CALD1: variants seen among roughly 807,000 people sequenced by gnomAD.
CALD1 encodes the protein caldesmon.
CALD1 carries 33 observed loss-of-function variants against 99.9 expected under a neutral mutation model. The ratio of observed to expected loss-of-function variants is 0.33; its 90% CI spans 0.25 to 0.44. The LOEUF is 0.44. Ranked by LOEUF, CALD1 falls within the 20% of genes least tolerant of loss-of-function variation. CALD1 has a pLI of 1.00. For synonymous variants in CALD1, 310 were observed against 325.0 expected (o/e 0.95, Z 0.50); for missense variants, 861 against 962.1 (o/e 0.89, Z 1.39).
the CALD1 span, among the ~76,000 whole-genome samples, chr7:134,738,851 G>T: frequency 6.6e-6 from 1 of 152,128 alleles, no homozygotes; most frequent in Non-Finnish European, 1.5e-5. Flanking sequence ...AGAGAATAGC[G>T]CAACAGTTCA....
intron 3 of CALD1, among the ~76,000 whole-genome samples, chr7:134,915,929 G>A (rs1350216331): frequency 6.6e-6 from 1 of 152,174 alleles, no homozygotes; most frequent in Admixed American, 6.5e-5. Context: ...GATCTATCAA[G>A]AGCAGAGAAG....
chr7:134,959,886 A>G, intron 11 of CALD1, 88 bp from the exon 12 acceptor site: 2 of 1,385,074 alleles, frequency 1.4e-6, no homozygotes, highest in South Asian at 2.8e-5. Context: ...AATTTTTAAG[A>G]TGATAATGTT....
At chr7:134,738,734 G>A in the CALD1 span, among the ~76,000 whole-genome samples, 1 of 152,162 alleles carries the variant, frequency 6.6e-6, no homozygotes, top group South Asian at 2.1e-4. Flanking sequence ...ACTCTGTTAT[G>A]TCTCTTTTAA....
intron 3 of CALD1, among the ~76,000 whole-genome samples, chr7:134,898,598 G>A (rs910128338): frequency 7.3e-5 from 11 of 151,516 alleles, no homozygotes; most frequent in African/African-American, 2.7e-4. Flanking sequence ...TTTTGAGATG[G>A]AGCCTCACTC....
chr7:134,843,038 C>T (rs956273571), intron 1 of CALD1, among the ~76,000 whole-genome samples: 5 of 152,218 alleles, frequency 3.3e-5, no homozygotes, highest in Admixed American at 3.3e-4. Flanking sequence ...CCACTGGCTG[C>T]AATGGGGACT....
chr7:134,959,919 T>C, intron 11 of CALD1, 55 bp from the exon 12 acceptor site: 1 of 1,578,976 alleles, frequency 6.3e-7, no homozygotes, highest in East Asian at 2.2e-5. Flanking sequence ...CTCACTATAA[T>C]TTTATGAGAA....
chr7:134,854,881 G>A (rs1222305699), intron 2 of CALD1, among the ~76,000 whole-genome samples: 1 of 152,180 alleles, frequency 6.6e-6, no homozygotes, highest in Non-Finnish European at 1.5e-5. Flanking sequence ...GGGCCTGGTG[G>A]GAGGTGATTG....
At chr7:134,827,172 G>A (rs1799031544) in intron 1 of CALD1, among the ~76,000 whole-genome samples, 1 of 152,176 alleles carries the variant, frequency 6.6e-6, no homozygotes, top group Non-Finnish European at 1.5e-5. Flanking sequence ...CTGGGCTTAT[G>A]CCCTTAGTAA....
rs1414373870 is a variant in CALD1 at position 134,958,214 on chromosome 7, G to T, written c.1985G>T (p.Gly662Val). ...GTATGTGTTTACTTTTTTAGCAGTG[G>T]TGTCAAATCGACCCATCAAGCAGCA... ...FLNKSVQKSS[G>V]VKSTHQAAIV... is the part of the protein sequence containing the mutation. Residue 662 changes from glycine (G) to valine (V), a missense_variant, in exon 11 of 15, where the codon GGT becomes GTT. Gly to Val is a moderately radical substitution (Grantham distance 109, BLOSUM62 -3). Transcript: ENST00000361675. 6.2e-7 allele frequency: 1 copy of T among 1,613,814 alleles called. No homozygotes were observed. Among genetic ancestry groups the T allele is most frequent in the Admixed American group, 1.7e-5 (1 of 59,982 alleles).
rs1220959470 is a variant in CALD1 at position 134,968,574 on chromosome 7, C to T, written c.*229C>T. On this transcript the variant is annotated 3_prime_UTR_variant, in exon 15 of 15. Coordinates refer to ENST00000361675, the MANE Select transcript of CALD1 (RefSeq NM_033138.4). ...CACAGGAGCCTGTTTCTAAAGAAAC[C>T]CATGCTGTGAAATAGAGACTTTTCT... The T allele has an allele frequency of 1.4e-6, 1 of 695,936 alleles. No individual in the cohort carries two copies. The highest frequency in any genetic ancestry group is 1.5e-5 in the South Asian group (1 of 66,694). The allele number at this position is 695,936 out of a possible 1,614,324, so 43.1% of individuals were successfully genotyped here.
At chr7:134,881,619 AGTTGCAG>A (rs1801608936) in intron 3 of CALD1, among the ~76,000 whole-genome samples, 1 of 152,212 alleles carries the variant, frequency 6.6e-6, no homozygotes, top group Non-Finnish European at 1.5e-5. Flanking sequence ...CTATATGTAG[AGTTGCAG>A]GTTTCATGCT....
chr7:134,744,516 GATTA>G (rs1796618150), intron 1 of CALD1, among the ~76,000 whole-genome samples: 2 of 151,134 alleles, frequency 1.3e-5, no homozygotes, highest in African/African-American at 4.9e-5. Context: ...GAGAGAGCAA[GATTA>G]ATTTAATAAT....
At chr7:134,892,891 C>T (rs1247914051) in intron 3 of CALD1, among the ~76,000 whole-genome samples, 1 of 152,082 alleles carries the variant, frequency 6.6e-6, no homozygotes, top group African/African-American at 2.4e-5. Flanking sequence ...CCCCACCTCC[C>T]CACCCTCTTC....
chr7:134,936,610 A>C (rs563723039), intron 6 of CALD1, among the ~76,000 whole-genome samples: 33 of 152,370 alleles, frequency 2.2e-4, no homozygotes, highest in African/African-American at 7.2e-4. Context: ...TCTATTAAGA[A>C]AACTATGGCA....
At chr7:134,966,282 C>T (rs766120750) in intron 14 of CALD1, among the ~76,000 whole-genome samples, 1 of 152,220 alleles carries the variant, frequency 6.6e-6, no homozygotes, top group Non-Finnish European at 1.5e-5. Flanking sequence ...CCCACTTTCT[C>T]ATGCTCTTAG....
chr7:134,910,991 T>C (rs996996627), intron 3 of CALD1, among the ~76,000 whole-genome samples: 3 of 152,134 alleles, frequency 2.0e-5, no homozygotes, highest in African/African-American at 7.2e-5. Flanking sequence ...GCAAGAAAGT[T>C]TGTGGCTAGT....
intron 1 of CALD1, among the ~76,000 whole-genome samples, chr7:134,817,205 T>C (rs1036902481): frequency 2.6e-5 from 4 of 152,170 alleles, no homozygotes; most frequent in Non-Finnish European, 5.9e-5. Context: ...AAAGAAGACT[T>C]ATATTTAACA....
chr7:134,724,644 G>T, the CALD1 span, among the ~76,000 whole-genome samples: 1 of 152,192 alleles, frequency 6.6e-6, no homozygotes, highest in Non-Finnish European at 1.5e-5. Flanking sequence ...CTCTTGGTTT[G>T]TTTGACTCCA....
chr7:134,865,367 CCG>C, intron 2 of CALD1, among the ~76,000 whole-genome samples: 1 of 152,036 alleles, frequency 6.6e-6, no homozygotes, highest in African/African-American at 2.4e-5. Flanking sequence ...ACACACACCA[CCG>C]AGAGTCATAC....
Sources: gnomAD v4.1 joint callset for allele counts (sites outside exome capture counted in the v4.1 genomes callset) on GRCh38, gnomAD v4.1.1 for gene constraint, MANE v1.5 for transcripts, NCBI Gene and HGNC (gene_info 2026-07-23, HGNC 2026-07-21) for gene names.